Variants in FBXL13 observed in about 807,000 individuals in gnomAD.
The protein encoded by FBXL13 is F-box and leucine rich repeat protein 13.
A neutral mutation model predicts 83.6 loss-of-function variants in FBXL13; 67 were observed. That is an observed-to-expected ratio of 0.80 (90% confidence interval 0.66 to 0.98). The LOEUF is 0.98. Ranked by LOEUF, FBXL13 falls within the 50% of genes least tolerant of loss-of-function variation. FBXL13 has a pLI of 0.00. For synonymous variants in FBXL13, 272 were observed against 299.5 expected, an observed-to-expected ratio of 0.91 and a Z score of 0.95; for missense variants, 822 against 866.5, an observed-to-expected ratio of 0.95 and a Z score of 0.64.
chr7:102,924,866 T>C (rs1817787027), intron 10 of FBXL13, among the ~76,000 whole-genome samples: 1 of 152,030 alleles, frequency 6.6e-6, no homozygotes, highest in South Asian at 2.1e-4. Context: ...CCTGACCTCA[T>C]GATCCACCCG....
intron 17 of FBXL13, among the ~76,000 whole-genome samples, chr7:102,834,902 G>C (rs1267822602): frequency 6.6e-6 from 1 of 151,820 alleles, no homozygotes; most frequent in African/African-American, 2.4e-5. Context: ...GTGTGTGTGT[G>C]TGTGTGTGTG....
intron 12 of FBXL13, 48 bp downstream of exon 13, chr7:102,884,166 T>C (rs1392516757): frequency 3.1e-6 from 4 of 1,292,408 alleles, no homozygotes; most frequent in South Asian, 1.2e-5. Flanking sequence ...TTAGAACATA[T>C]ATCTATCTTA....
intron 11 of FBXL13, among the ~76,000 whole-genome samples, chr7:102,906,138 T>G (rs1781878641): frequency 6.6e-6 from 1 of 152,098 alleles, no homozygotes; most frequent in South Asian, 2.1e-4. Flanking sequence ...TTCACTATCA[T>G]GAGAACAGCA....
chr7:102,900,482 C>A (rs1812828335), intron 11 of FBXL13, among the ~76,000 whole-genome samples: 1 of 152,144 alleles, frequency 6.6e-6, no homozygotes. Flanking sequence ...AAAATAGATT[C>A]TAGTTTCCAA....
intron 2 of FBXL13, among the ~76,000 whole-genome samples, chr7:103,032,567 G>T (rs532532081): frequency 1.3e-5 from 2 of 152,158 alleles, no homozygotes; most frequent in Non-Finnish European, 2.9e-5. Flanking sequence ...CCATATATTT[G>T]CATTGCAAAC....
chr7:103,023,910 G>A (rs769853613), intron 6 of FBXL13, among the ~76,000 whole-genome samples: 3 of 152,026 alleles, frequency 2.0e-5, no homozygotes, highest in Non-Finnish European at 4.4e-5. Context: ...ACTTACAAGT[G>A]GAAGCTAAAC....
At chr7:103,007,942 T>A (rs1171876733) in intron 6 of FBXL13, among the ~76,000 whole-genome samples, 2 of 152,076 alleles carry the variant, frequency 1.3e-5, no homozygotes, top group Non-Finnish European at 1.5e-5. Context: ...CCACGAGGAA[T>A]GGCCCAGAGT....
chr7:103,020,698 CAGAG>C (rs1257042357), intron 6 of FBXL13, among the ~76,000 whole-genome samples: 3 of 152,178 alleles, frequency 2.0e-5, no homozygotes, highest in Non-Finnish European at 4.4e-5. Flanking sequence ...AATAGACAAA[CAGAG>C]AGCCAAATCA....
intron 8 of FBXL13, chr7:102,944,539 G>C: frequency 1.9e-6 from 3 of 1,611,492 alleles, no homozygotes; most frequent in Non-Finnish European, 2.5e-6. Flanking sequence ...AGAAGATGAT[G>C]AATGGGAAAA....
chr7:103,031,781 C>T (rs150474685), intron 2 of FBXL13, among the ~76,000 whole-genome samples: 97 of 152,284 alleles, frequency 6.4e-4, no homozygotes, highest in African/African-American at 2.1e-3. Flanking sequence ...ATAATGAATT[C>T]GTTGCAAAAG....
At chr7:103,041,719 A>T (rs1156368746) in intron 2 of FBXL13, among the ~76,000 whole-genome samples, 1 of 152,212 alleles carries the variant, frequency 6.6e-6, no homozygotes, top group Non-Finnish European at 1.5e-5. Context: ...CAATGACAAA[A>T]ACCACATGAT....
chr7:103,073,527 C>T (rs1465131853), intron 1 of FBXL13, among the ~76,000 whole-genome samples: 1 of 152,124 alleles, frequency 6.6e-6, no homozygotes, highest in African/African-American at 2.4e-5. Context: ...GAGGACATTT[C>T]TTCTTAGTAG....
chr7:102,812,840 CTT>C (rs908090315), downstream of FBXL13, among the ~76,000 whole-genome samples: 1,372 of 122,496 alleles, frequency 0.011, 11 homozygotes, highest in African/African-American at 0.039. Context: ...GATTTGGCTT[CTT>C]TTTTTTTTTT....
At chr7:102,959,217 C>A (rs1262861482) in intron 8 of FBXL13, among the ~76,000 whole-genome samples, 1 of 152,054 alleles carries the variant, frequency 6.6e-6, no homozygotes, top group Non-Finnish European at 1.5e-5. Flanking sequence ...CTTTGTGTAG[C>A]ACCAGCAATA....
intron 8 of FBXL13, among the ~76,000 whole-genome samples, chr7:102,936,818 T>C (rs1820405314): frequency 6.6e-6 from 1 of 152,332 alleles, no homozygotes; most frequent in South Asian, 2.1e-4. Flanking sequence ...CTACACTGTG[T>C]TCTAAGAAGA....
Position 103,014,947 on chromosome 7 carries a change from A to AG in FBXL13, c.495+10115dup, listed in dbSNP as rs1163177392. On this transcript the variant is annotated intron_variant, in intron 6 of 19. Transcript: ENST00000313221. ...AAAAAAAAAAAAAAAAAAAAAAAAA[A>AG]GAAAATACTAGCAAACTGAATCCAG... is the stretch of plus-strand genomic sequence containing the variant. 5.3e-5 allele frequency among the ~76,000 whole-genome samples: 8 copies of AG among 150,014 alleles called. No individual in the cohort carries two copies. The East Asian group carries it at 1.6e-3, about 29-fold the overall frequency.
chr7:102,977,546 G>A (rs1319503769), intron 6 of FBXL13, among the ~76,000 whole-genome samples: 1 of 152,176 alleles, frequency 6.6e-6, no homozygotes, highest in Non-Finnish European at 1.5e-5. Flanking sequence ...GATTTAAAAT[G>A]CTGATAAGGA....
At chr7:102,979,065 C>T (rs2129483223) in intron 6 of FBXL13, among the ~76,000 whole-genome samples, 1 of 152,314 alleles carries the variant, frequency 6.6e-6, no homozygotes, top group Non-Finnish European at 1.5e-5. Context: ...AAACATTTTA[C>T]TTTCCACCTA....
chr7:102,924,961 T>C (rs1245439758), intron 10 of FBXL13, among the ~76,000 whole-genome samples: 2 of 152,194 alleles, frequency 1.3e-5, no homozygotes, highest in Non-Finnish European at 2.9e-5. Context: ...TCATCACCGT[T>C]ATTTTTCAAA....
Sources: allele counts gnomAD v4.1 joint callset (sites outside exome capture counted in the v4.1 genomes callset), GRCh38; gene constraint gnomAD v4.1.1; transcripts MANE v1.5; gene names NCBI Gene and HGNC (gene_info 2026-07-23, HGNC 2026-07-21).